Variants in DLGAP1 observed in about 807,000 individuals in gnomAD.
DLGAP1 encodes DLG associated protein 1, also known as disks large-associated protein 1.
In DLGAP1, 11 loss-of-function variants were observed where a neutral mutation model predicts 90.8. That is an observed-to-expected ratio of 0.12 (90% CI 0.08 to 0.20). DLGAP1 has a LOEUF of 0.20. DLGAP1 is among the 10% of genes least tolerant of loss of function. The pLI is 1.00. For synonymous variants in DLGAP1, 558 were observed against 540.7 expected (o/e 1.03, Z -0.44); for missense variants, 1,050 against 1,333.8 (o/e 0.79, Z 3.31).
At chr18:3,792,446 C>T (rs937487225) in intron 5 of DLGAP1, among the ~76,000 whole-genome samples, 1 of 151,654 alleles carries the variant, frequency 6.6e-6, no homozygotes, top group African/African-American at 2.4e-5. Context: ...GATCATACCA[C>T]TGCACTCCAG....
intron 7 of DLGAP1, among the ~76,000 whole-genome samples, chr18:3,709,747 C>T (rs577839183): frequency 2.5e-4 from 38 of 152,266 alleles, no homozygotes; most frequent in African/African-American, 8.7e-4. Context: ...GCCCTGCACC[C>T]GGGGTTTGGC....
At chr18:4,218,104 C>T (rs186837339) in intron 1 of DLGAP1, among the ~76,000 whole-genome samples, 181 of 150,186 alleles carry the variant, frequency 1.2e-3, no homozygotes, top group African/African-American at 4.3e-3. Flanking sequence ...GGTGTAAGAT[C>T]TGTTAGAATT....
At chr18:3,687,717 A>G (rs34281105) in intron 7 of DLGAP1, among the ~76,000 whole-genome samples, 23,940 of 152,174 alleles carry the variant, frequency 0.16, 2,330 homozygotes, top group East Asian at 0.45. Context: ...CAGGACTTTC[A>G]TAGAAAAAAC....
chr18:3,864,212 T>C (rs2070251842), intron 4 of DLGAP1, among the ~76,000 whole-genome samples: 3 of 152,224 alleles, frequency 2.0e-5, no homozygotes, highest in South Asian at 2.1e-4. Context: ...GGGGAATACA[T>C]GTTACAACAG....
intron 7 of DLGAP1, among the ~76,000 whole-genome samples, chr18:3,676,978 A>T (rs1598311393): frequency 6.6e-6 from 1 of 151,270 alleles, no homozygotes; most frequent in East Asian, 2.0e-4. Context: ...CACCCTTTAA[A>T]CTCTTATTTT....
At chr18:4,264,034 A>T (rs1452136391) in intron 1 of DLGAP1, among the ~76,000 whole-genome samples, 1 of 152,202 alleles carries the variant, frequency 6.6e-6, no homozygotes, top group East Asian at 1.9e-4. Flanking sequence ...AATATAAATA[A>T]GTCATATGTG....
intron 7 of DLGAP1, among the ~76,000 whole-genome samples, chr18:3,626,291 A>C (rs1187346349): frequency 8.1e-6 from 1 of 123,704 alleles, no homozygotes; most frequent in African/African-American, 3.4e-5. Flanking sequence ...ACCCAGTCTC[A>C]AAAAAGAAAA....
intron 9 of DLGAP1, among the ~76,000 whole-genome samples, chr18:3,543,166 ATTTTTTTTTT>A (rs76751283): frequency 1.6e-5 from 1 of 64,126 alleles, no homozygotes; most frequent in Non-Finnish European, 4.0e-5. Flanking sequence ...CATGACTCCA[ATTTTTTTTTT>A]TTTTTTTTTT....
intron 2 of DLGAP1, among the ~76,000 whole-genome samples, chr18:4,067,986 C>T (rs2075393767): frequency 6.6e-6 from 1 of 152,036 alleles, no homozygotes; most frequent in African/African-American, 2.4e-5. Context: ...GAATCAACCT[C>T]AAATATTTTA....
chr18:3,768,423 A>G (rs1290245282), intron 5 of DLGAP1, among the ~76,000 whole-genome samples: 2 of 152,192 alleles, frequency 1.3e-5, no homozygotes, highest in Non-Finnish European at 2.9e-5. Flanking sequence ...AATCTCATAA[A>G]GATTTTTGTA....
chr18:4,232,553 G>C (rs2078322556), intron 1 of DLGAP1, among the ~76,000 whole-genome samples: 1 of 152,114 alleles, frequency 6.6e-6, no homozygotes, highest in African/African-American at 2.4e-5. Context: ...AGACAATGTT[G>C]TTGTAATGTA....
chr18:4,125,621 T>C (rs910731849), intron 2 of DLGAP1, among the ~76,000 whole-genome samples: 1 of 151,392 alleles, frequency 6.6e-6, no homozygotes, highest in African/African-American at 2.4e-5. Context: ...GGCTGAGCTG[T>C]GCACTTAAAA....
intron 2 of DLGAP1, among the ~76,000 whole-genome samples, chr18:4,022,091 TCAAA>T (rs754519630): frequency 5.9e-5 from 9 of 152,222 alleles, no homozygotes; most frequent in South Asian, 2.1e-4. Context: ...ATGAAGGCTC[TCAAA>T]CAGAGTTGGT....
At chr18:3,988,334 A>G (rs1346357889) in intron 3 of DLGAP1, among the ~76,000 whole-genome samples, 1 of 152,152 alleles carries the variant, frequency 6.6e-6, no homozygotes, top group Admixed American at 6.6e-5. Flanking sequence ...CTACCACCAG[A>G]GGCAGCTTAA....
At chr18:4,319,088 C>T (rs2080608875) in intron 1 of DLGAP1, among the ~76,000 whole-genome samples, 2 of 152,078 alleles carry the variant, frequency 1.3e-5, no homozygotes, top group Non-Finnish European at 1.5e-5. Context: ...ATACATATAT[C>T]AAAGCATCAT....
At chr18:4,171,965 T>G (rs577580277) in intron 1 of DLGAP1, among the ~76,000 whole-genome samples, 1 of 152,348 alleles carries the variant, frequency 6.6e-6, no homozygotes, top group East Asian at 1.9e-4. Flanking sequence ...GATCTTTTTT[T>G]TCCAAAGATT....
At chr18:3,905,130 G>A (rs1039778113) in intron 3 of DLGAP1, among the ~76,000 whole-genome samples, 1 of 151,724 alleles carries the variant, frequency 6.6e-6, no homozygotes, top group Non-Finnish European at 1.5e-5. Context: ...CACTTTGGGA[G>A]GCTGAGTTGG....
chr18:3,629,276 T>C (rs188190105), intron 7 of DLGAP1, among the ~76,000 whole-genome samples: 1 of 151,800 alleles, frequency 6.6e-6, no homozygotes, highest in East Asian at 1.9e-4. Flanking sequence ...GGTGGGAGGA[T>C]CACTTGAACC....
chr18:3,551,458 A>G (rs2053416241), intron 9 of DLGAP1, among the ~76,000 whole-genome samples: 1 of 151,884 alleles, frequency 6.6e-6, no homozygotes, highest in African/African-American at 2.4e-5. Context: ...CATGTTGGCC[A>G]GACTGGTCTT....
Sources: allele counts gnomAD v4.1 joint callset (sites outside exome capture counted in the v4.1 genomes callset), GRCh38; gene constraint gnomAD v4.1.1; transcripts MANE v1.5; gene names NCBI Gene and HGNC (gene_info 2026-07-23, HGNC 2026-07-21).